Variants in SNX29 observed in about 807,000 individuals in gnomAD.
The protein encoded by SNX29 is sorting nexin 29.
Under a neutral mutation model 102.1 loss-of-function variants are expected in SNX29, and 78 were observed. That is an observed-to-expected ratio of 0.76 (90% confidence interval 0.64 to 0.92). The LOEUF is 0.92. Ranked by LOEUF, SNX29 falls within the 40% of genes least tolerant of loss-of-function variation. The pLI is 0.00. For synonymous variants in SNX29, 580 were observed against 414.5 expected (o/e 1.40, Z -4.85); for missense variants, 1,280 against 1,061.7 (o/e 1.21, Z -2.86).
At chr16:12,462,593 T>TACAC (rs35348415) in intron 18 of SNX29, among the ~76,000 whole-genome samples, 2,077 of 151,022 alleles carry the variant, frequency 0.014, 44 homozygotes, top group African/African-American at 0.044. Flanking sequence ...GATTTCATTA[T>TACAC]ACACACACAC....
chr16:12,005,963 T>A (rs902024436), intron 3 of SNX29, among the ~76,000 whole-genome samples: 1 of 152,232 alleles, frequency 6.6e-6, no homozygotes. Flanking sequence ...TAGAAAATGT[T>A]CTATTTTATA....
intron 11 of SNX29, among the ~76,000 whole-genome samples, chr16:12,108,653 G>A (rs747656388): frequency 6.6e-6 from 1 of 152,126 alleles, no homozygotes; most frequent in Admixed American, 6.5e-5. Flanking sequence ...CCTGTGCCCC[G>A]ATGCCACAGC....
rs75676326 is a variant in SNX29, at chr16:12,191,900, G to T, written c.1596-7701G>T. Among the ~76,000 whole-genome samples the T allele has an allele frequency of 3.1e-3, 469 of 152,282 alleles. 24 individuals are homozygous for T. The East Asian group carries it at 0.079, about 26-fold the overall frequency. On this transcript the variant is annotated intron_variant, in intron 13 of 20. Coordinates refer to ENST00000566228, the MANE Select transcript of SNX29 (RefSeq NM_032167.5). ...TGGGCCACCTTCTTCTTGTAGTTGG[G>T]TGTGGTTATGGTTGATGCCTACTCA...
At chr16:12,502,654 T>C (rs9941261) in intron 19 of SNX29, among the ~76,000 whole-genome samples, 32,655 of 152,148 alleles carry the variant, frequency 0.21, 3,875 homozygotes, top group South Asian at 0.41. Flanking sequence ...GGTCTGAGGA[T>C]GAAATTCAAG....
At chr16:12,435,947 G>A (rs186153544) in intron 18 of SNX29, among the ~76,000 whole-genome samples, 6 of 152,316 alleles carry the variant, frequency 3.9e-5, no homozygotes, top group Admixed American at 2.6e-4. Context: ...CGCCACACAC[G>A]TGCCGCGCGT....
intron 16 of SNX29, among the ~76,000 whole-genome samples, chr16:12,362,551 A>ACCACCACC (rs1464136306): frequency 3.8e-4 from 9 of 23,496 alleles, no homozygotes; most frequent in African/African-American, 5.6e-4. Context: ...TGGCTGCTGC[A>ACCACCACC]CTCCCCCCCC....
At position 12,555,878 on chromosome 16, in the gene SNX29, C is replaced by CTTTCT. The variant is rs543688920; in HGVS notation, c.2319-12627_2319-12623dup. 5.7e-3 allele frequency among the ~76,000 whole-genome samples: 867 copies of CTTTCT among 152,270 alleles called. 12 individuals are homozygous for CTTTCT. Among genetic ancestry groups the CTTTCT allele is most frequent in the African/African-American group, 0.02 (825 of 41,540 alleles). On this transcript the variant is annotated intron_variant, in intron 20 of 20. Transcript: ENST00000566228. ...TCCATCATTTTCTCCAGAGGCCGTGCTTTCTGCCCTCCTGTTCTTGGTCTC... is the reference window on the plus strand; with the variant it reads ...TCCATCATTTTCTCCAGAGGCCGTGCTTTCTTTTCTGCCCTCCTGTTCTTGGTCTC...
At chr16:12,442,798 T>C (rs2085869763) in intron 18 of SNX29, among the ~76,000 whole-genome samples, 1 of 152,110 alleles carries the variant, frequency 6.6e-6, no homozygotes, top group Non-Finnish European at 1.5e-5. Flanking sequence ...CTCACTATGT[T>C]GCCCAGGCTG....
At chr16:11,978,335 C>G (rs1387914974) in intron 1 of SNX29, among the ~76,000 whole-genome samples, 4 of 152,224 alleles carry the variant, frequency 2.6e-5, no homozygotes, top group Non-Finnish European at 2.9e-5. Flanking sequence ...GCCCTGAGGC[C>G]AGACATCCTG....
intron 20 of SNX29, among the ~76,000 whole-genome samples, chr16:12,548,670 T>A (rs912208785): frequency 1.3e-5 from 2 of 152,018 alleles, no homozygotes; most frequent in African/African-American, 4.8e-5. Context: ...CAGCAAGAAG[T>A]GAAGTTTAAA....
At chr16:12,298,957 T>G (rs2080070494) in intron 15 of SNX29, among the ~76,000 whole-genome samples, 1 of 151,100 alleles carries the variant, frequency 6.6e-6, no homozygotes, top group African/African-American at 2.4e-5. Flanking sequence ...AATAATGAGT[T>G]GGTTCCTTTC....
At chr16:12,176,683 C>G (rs910099543) in intron 13 of SNX29, among the ~76,000 whole-genome samples, 1 of 152,128 alleles carries the variant, frequency 6.6e-6, no homozygotes, top group Non-Finnish European at 1.5e-5. Context: ...CTTGAGCACC[C>G]TTGGACTGTG....
chr16:12,568,522 G>T lies in SNX29; in HGVS notation c.2335G>T (p.Gly779Ter). Reference sequence around the variant, plus strand: ...CTCTTTCAGCGACATCACCCCGCCCGGAGAGCCTGTGAACAGCCGGCCCAA... The same window carrying T: ...CTCTTTCAGCGACATCACCCCGCCCTGAGAGCCTGTGAACAGCCGGCCCAA... ...MPFFVDITPP[G>*]EPVNSRPKAA... The change falls in exon 21 of 21, where the codon GGA (glycine) becomes TGA (stop). Residue 779 changes from glycine (G) to a stop codon, truncating the protein, a stop_gained. Transcript: ENST00000566228. LOFTEE classifies it high-confidence loss of function. 1.2e-6 allele frequency: 2 copies of T among 1,609,882 alleles called. No individual in the cohort carries two copies. Among genetic ancestry groups the T allele is most frequent in the Non-Finnish European group, 8.5e-7 (1 of 1,179,832 alleles).
rs558175797 is a variant in SNX29, at chr16:12,525,401, G to A, written c.2318+560G>A. 7.9e-5 allele frequency among the ~76,000 whole-genome samples: 12 copies of A among 152,272 alleles called. No individual in the cohort carries two copies. The South Asian group carries it at 2.1e-3, about 26-fold the overall frequency. ...AATCATTACACTTCAGGCTGGGCAC[G>A]GTGGCTCACGCCTGTAATCCCAGCA... On this transcript the variant is annotated intron_variant, in intron 20 of 20. Transcript: ENST00000566228.
At chr16:12,498,407 A>C (rs1273353121) in intron 19 of SNX29, among the ~76,000 whole-genome samples, 2 of 152,020 alleles carry the variant, frequency 1.3e-5, no homozygotes, top group Non-Finnish European at 2.9e-5. Flanking sequence ...CATTTAAAAA[A>C]AAAATGCTTG....
intron 20 of SNX29, among the ~76,000 whole-genome samples, chr16:12,560,475 C>G (rs779932824): frequency 6.6e-6 from 1 of 152,168 alleles, no homozygotes; most frequent in African/African-American, 2.4e-5. Flanking sequence ...CTGGGAGTCA[C>G]ACTTACCTCC....
At chr16:11,990,184 T>C (rs1036920195) in intron 1 of SNX29, among the ~76,000 whole-genome samples, 3 of 152,238 alleles carry the variant, frequency 2.0e-5, no homozygotes, top group Admixed American at 6.5e-5. Context: ...AGGTGTGTTG[T>C]GTTTGTTTCA....
chr16:12,008,677 A>ATATCAGGT (rs1488692788), intron 3 of SNX29, among the ~76,000 whole-genome samples: 1 of 151,250 alleles, frequency 6.6e-6, no homozygotes, highest in African/African-American at 2.4e-5. Flanking sequence ...TCAGGCTCAG[A>ATATCAGGT]GCCGTCCTCT....
chr16:12,136,443 G>A (rs553765755), intron 13 of SNX29, among the ~76,000 whole-genome samples: 7 of 152,280 alleles, frequency 4.6e-5, no homozygotes, highest in African/African-American at 1.4e-4. Context: ...GCCTTTGATG[G>A]CAGAAACCCA....
Sources: allele counts gnomAD v4.1 joint callset (sites outside exome capture counted in the v4.1 genomes callset), GRCh38; gene constraint gnomAD v4.1.1; transcripts MANE v1.5; gene names NCBI Gene and HGNC (gene_info 2026-07-23, HGNC 2026-07-21).